The following DTNA variants were observed in gnomAD, a reference collection of about 807,000 sequenced individuals.
DTNA encodes dystrophin-related protein 3.
In DTNA, 43 loss-of-function variants were observed where a neutral mutation model predicts 100.7. The ratio of observed to expected loss-of-function variants is 0.43; its 90% CI spans 0.33 to 0.55. The LOEUF (loss-of-function observed/expected upper bound fraction) is 0.55. Among genes scored for constraint, DTNA ranks in the 20% least tolerant of loss-of-function variants. DTNA has a pLI of 0.04. For synonymous variants in DTNA, 349 were observed against 347.9 expected (o/e 1.00, Z -0.04); for missense variants, 798 against 953.9 (o/e 0.84, Z 2.15).
At chr18:34,649,950 A>C (rs954489878) in intron 1 of DTNA, among the ~76,000 whole-genome samples, 2 of 152,202 alleles carry the variant, frequency 1.3e-5, no homozygotes, top group African/African-American at 2.4e-5. Context: ...TAATAATATA[A>C]AAATGACATG....
chr18:34,730,333 G>A (rs2087790310), intron 1 of DTNA, among the ~76,000 whole-genome samples: 2 of 152,198 alleles, frequency 1.3e-5, no homozygotes, highest in Non-Finnish European at 2.9e-5. Flanking sequence ...CATGCATGAG[G>A]TAATGTATGC....
At chr18:34,862,454 A>C (rs938023221) in intron 16 of DTNA, among the ~76,000 whole-genome samples, 4 of 151,576 alleles carry the variant, frequency 2.6e-5, no homozygotes, top group African/African-American at 9.7e-5. Flanking sequence ...AAAAATATAA[A>C]TTTATTCAAA....
At chr18:34,757,136 T>G (rs577892673) in intron 2 of DTNA, 1 of 152,360 alleles carries the variant, frequency 6.6e-6, no homozygotes, top group South Asian at 2.1e-4. Flanking sequence ...TCAGTCGTGT[T>G]CCTTGCTTTT....
At chr18:34,798,008 AT>A (rs972265185) in intron 4 of DTNA, among the ~76,000 whole-genome samples, 148 of 151,604 alleles carry the variant, frequency 9.8e-4, no homozygotes, top group African/African-American at 3.2e-3. Flanking sequence ...TCTTTTAACT[AT>A]TTTTTTTTAA....
chr18:34,634,389 T>C (rs2058430805), intron 1 of DTNA, among the ~76,000 whole-genome samples: 1 of 152,166 alleles, frequency 6.6e-6, no homozygotes, highest in African/African-American at 2.4e-5. Flanking sequence ...AACAAACCAT[T>C]TACATATTAC....
At chr18:34,813,691 A>G (rs1256121039) in intron 6 of DTNA, among the ~76,000 whole-genome samples, 1 of 152,016 alleles carries the variant, frequency 6.6e-6, no homozygotes, top group Non-Finnish European at 1.5e-5. Context: ...CGTCTCTACT[A>G]AAAATACAAA....
At chr18:34,730,865 T>C (rs1278332492) in intron 1 of DTNA, among the ~76,000 whole-genome samples, 1 of 152,212 alleles carries the variant, frequency 6.6e-6, no homozygotes, top group Non-Finnish European at 1.5e-5. Context: ...GTCCAGTAAC[T>C]TCACTGAAGG....
chr18:34,729,510 TAAGG>T (rs1303232477), intron 1 of DTNA, among the ~76,000 whole-genome samples: 2 of 152,194 alleles, frequency 1.3e-5, no homozygotes, highest in Non-Finnish European at 2.9e-5. Flanking sequence ...TGAGGAAAGC[TAAGG>T]AAGAGAACAG....
At chr18:34,628,421 T>C (rs1407301101) in intron 1 of DTNA, among the ~76,000 whole-genome samples, 1 of 152,240 alleles carries the variant, frequency 6.6e-6, no homozygotes, top group East Asian at 1.9e-4. Flanking sequence ...AGACATGACA[T>C]GCAATTTTAT....
chr18:34,497,393 G>A (rs1020271140), intron 1 of DTNA, among the ~76,000 whole-genome samples: 4 of 152,130 alleles, frequency 2.6e-5, no homozygotes, highest in Admixed American at 2.0e-4. Context: ...TATACTGAGC[G>A]TCATTCTGTG....
Position 34,495,156 on chromosome 18 carries a change from A to G in DTNA, c.-2+1642A>G, listed in dbSNP as rs534233257. 7.9e-5 allele frequency among the ~76,000 whole-genome samples: 12 copies of G among 152,338 alleles called. No homozygotes were observed. In the East Asian group the frequency reaches 2.3e-3, roughly 29 times the overall value. ...CCCCTAATCAACTCATTATACCTAA[A>G]GTCTTCTATACTGACCACATCTTTC... On this transcript the variant is annotated intron_variant, in intron 1 of 19. Coordinates refer to the DTNA transcript ENST00000283365.
chr18:34,540,985 C>T (rs1458915627), intron 1 of DTNA, among the ~76,000 whole-genome samples: 1 of 151,988 alleles, frequency 6.6e-6, no homozygotes, highest in Non-Finnish European at 1.5e-5. Flanking sequence ...CCTGTTAAGC[C>T]AATTTAGGAA....
intron 1 of DTNA, among the ~76,000 whole-genome samples, chr18:34,622,947 T>C (rs1430611937): frequency 2.0e-5 from 3 of 152,236 alleles, no homozygotes; most frequent in Non-Finnish European, 4.4e-5. Flanking sequence ...CCCATATATC[T>C]GTTTACATCC....
chr18:34,869,008 G>T (rs1341951838), intron 17 of DTNA, among the ~76,000 whole-genome samples: 1 of 152,112 alleles, frequency 6.6e-6, no homozygotes, highest in Non-Finnish European at 1.5e-5. Context: ...GACTGACTTT[G>T]ACTCCAGAAA....
intron 1 of DTNA, among the ~76,000 whole-genome samples, chr18:34,614,518 G>T (rs1460275397): frequency 6.6e-6 from 1 of 152,178 alleles, no homozygotes; most frequent in Non-Finnish European, 1.5e-5. Flanking sequence ...AAGGATATTT[G>T]TGGTTCATGG....
At chr18:34,623,057 GA>G (rs2056784870) in intron 1 of DTNA, among the ~76,000 whole-genome samples, 1 of 152,084 alleles carries the variant, frequency 6.6e-6, no homozygotes, top group Non-Finnish European at 1.5e-5. Context: ...TTTCTTCTAA[GA>G]AATACCCTGG....
At chr18:34,581,699 C>T (rs1455795198) in intron 1 of DTNA, among the ~76,000 whole-genome samples, 3 of 149,420 alleles carry the variant, frequency 2.0e-5, no homozygotes, top group Admixed American at 6.7e-5. Flanking sequence ...CGGCTCACTG[C>T]ACCCTCCACC....
chr18:34,552,265 T>C (rs2045508219), intron 1 of DTNA, among the ~76,000 whole-genome samples: 1 of 152,114 alleles, frequency 6.6e-6, no homozygotes. Flanking sequence ...AAGATGGTAG[T>C]ATGTTGTAAT....
intron 3 of DTNA, among the ~76,000 whole-genome samples, chr18:34,774,495 A>G (rs1407889008): frequency 6.6e-6 from 1 of 152,222 alleles, no homozygotes; most frequent in African/African-American, 2.4e-5. Flanking sequence ...TTTTGTTAAC[A>G]TTCATTGTTA....
Sources: gnomAD v4.1 joint callset for allele counts (sites outside exome capture counted in the v4.1 genomes callset) on GRCh38, gnomAD v4.1.1 for gene constraint, MANE v1.5 for transcripts, NCBI Gene and HGNC (gene_info 2026-07-23, HGNC 2026-07-21) for gene names.